Variants in ERBIN observed in about 807,000 individuals in gnomAD.
ERBIN encodes densin-180-like protein.
ERBIN carries 60 observed loss-of-function variants against 158.4 expected under a neutral mutation model. That is an observed-to-expected ratio of 0.38 (90% CI 0.31 to 0.47). The LOEUF is 0.47. ERBIN is among the 20% of genes least tolerant of loss of function. The pLI, the probability that ERBIN is intolerant of heterozygous loss-of-function variation, is 0.99. For synonymous variants in ERBIN, 594 were observed against 557.2 expected (o/e 1.07, Z -0.93); for missense variants, 1,610 against 1,648.0 (o/e 0.98, Z 0.40).
intron 12 of ERBIN, 58 bp downstream of exon 12, chr5:66,026,035 C>T: frequency 7.2e-7 from 1 of 1,389,718 alleles, no homozygotes; most frequent in Middle Eastern, 1.9e-4. Flanking sequence ...TGATTATCTT[C>T]ATTATAGCTA....
chr5:66,006,415 T>C (rs1021039411), intron 4 of ERBIN, among the ~76,000 whole-genome samples: 6 of 152,286 alleles, frequency 3.9e-5, no homozygotes, highest in African/African-American at 9.6e-5. Context: ...AAGACTTACA[T>C]GTTAGACCTA....
chr5:66,011,945 A>T, intron 4 of ERBIN, 104 bp from the exon 5 acceptor site: 1 of 595,244 alleles, frequency 1.7e-6, no homozygotes, highest in Non-Finnish European at 2.9e-6. Context: ...GTTCCTTGTT[A>T]ATTGGTATAT....
chr5:65,977,012 G>A (rs542320468), intron 1 of ERBIN, among the ~76,000 whole-genome samples: 9 of 152,154 alleles, frequency 5.9e-5, no homozygotes, highest in Non-Finnish European at 8.8e-5. Flanking sequence ...ATCATGGCCC[G>A]TTCTCAATGA....
rs1451826149 is a variant in ERBIN, at chr5:66,054,096, A to G, written c.2778A>G (p.Val926=). ...TGTTGTATGATCAACCATTGCAGGT[A>G]TTTACTGGTTCTTCCTCATCTTCTG... ...ATLLYDQPLQ[V]FTGSSSSSDL... The change falls in exon 21 of 26, where the codon GTA becomes GTG. Residue 926 remains valine, a synonymous_variant. Coordinates refer to ENST00000284037, the MANE Select transcript of ERBIN (RefSeq NM_001253697.2). 1.2e-6 allele frequency: 2 copies of G among 1,614,178 alleles called. No individual in the cohort carries two copies. Among genetic ancestry groups the G allele is most frequent in the Non-Finnish European group, 8.5e-7 (1 of 1,180,030 alleles).
Position 66,078,693 on chromosome 5 carries a change from A to C in ERBIN, c.*163A>C. 1.6e-6 allele frequency: 1 copy of C among 613,512 alleles called. No individual in the cohort carries two copies. Among genetic ancestry groups the C allele is most frequent in the Non-Finnish European group, 2.9e-6 (1 of 346,868 alleles). The allele number at this position is 613,512 out of a possible 1,614,324, so 38.0% of individuals were successfully genotyped here. On this transcript the variant is annotated 3_prime_UTR_variant, in exon 26 of 26. Transcript: ENST00000284037. ...ATGGAACTTGTGGTTAGAGGGAAAG[A>C]ACCACTGTACAGAATATAAAGGAGA...
rs370149402 is a variant in ERBIN at position 65,957,886 on chromosome 5, C to T, written c.-57-30749C>T. Reference sequence around the variant, plus strand: ...GGGGCGGCTGCCGGGCGGAGGCACTCCTCACTTCTCAGCCGGGGCGGCTGC... The same window carrying T: ...GGGGCGGCTGCCGGGCGGAGGCACTTCTCACTTCTCAGCCGGGGCGGCTGC... On this transcript the variant is annotated intron_variant, in intron 1 of 25. Coordinates refer to ENST00000284037, the MANE Select transcript of ERBIN (RefSeq NM_001253697.2). Among the ~76,000 whole-genome samples the T allele has an allele frequency of 3.3e-5, 5 of 151,574 alleles. No homozygotes were observed. The East Asian group carries it at 5.9e-4, about 18-fold the overall frequency.
At chr5:65,973,786 G>C (rs1195063941) in intron 1 of ERBIN, among the ~76,000 whole-genome samples, 1 of 151,274 alleles carries the variant, frequency 6.6e-6, no homozygotes, top group Non-Finnish European at 1.5e-5. Context: ...AAGGCAAATT[G>C]GGAATAGATT....
chr5:65,946,787 C>CT (rs918837936), intron 1 of ERBIN, among the ~76,000 whole-genome samples: 9,566 of 134,428 alleles, frequency 0.071, 795 homozygotes, highest in African/African-American at 0.21. Context: ...TTGGTTGTTA[C>CT]TTTTTTTTTT....
At chr5:66,002,714 G>C (rs1445806108) in intron 4 of ERBIN, among the ~76,000 whole-genome samples, 1 of 152,162 alleles carries the variant, frequency 6.6e-6, no homozygotes, top group East Asian at 1.9e-4. Context: ...CTGATGACTG[G>C]GGACAAACTA....
At chr5:65,962,987 T>G (rs940293709) in intron 1 of ERBIN, among the ~76,000 whole-genome samples, 1 of 152,182 alleles carries the variant, frequency 6.6e-6, no homozygotes, top group African/African-American at 2.4e-5. Context: ...TTCCAGATGA[T>G]CTGTCTTGAG....
In ERBIN at chr5:66,018,464, T is replaced by C. The variant is rs1755074036; in HGVS notation, c.534-2858T>C. ...ATAATATAATATATATTATATTATA[T>C]AATATATATTATATATTATATATTA... is the stretch of plus-strand genomic sequence containing the variant. On this transcript the variant is annotated intron_variant, in intron 7 of 25. Coordinates refer to ENST00000284037, the MANE Select transcript of ERBIN (RefSeq NM_001253697.2). Among the ~76,000 whole-genome samples the C allele has an allele frequency of 5.4e-4, 4 of 7,462 alleles. 1 individual carries two copies. Among genetic ancestry groups the C allele is most frequent in the Non-Finnish European group, 1.0e-3 (4 of 3,838 alleles). 4.9% of individuals were successfully genotyped at this position (7,462 alleles called of 152,430 possible).
At position 66,004,832 on chromosome 5, in the gene ERBIN, A is replaced by G. The variant is rs182660639; in HGVS notation, c.308-7217A>G. On this transcript the variant is annotated intron_variant, in intron 4 of 25. Coordinates refer to ENST00000284037, the MANE Select transcript of ERBIN (RefSeq NM_001253697.2). ...CTAAGGTAAGGATGTACCAGAAGCT[A>G]TTTTGTAAGGTGTGAGCGTCTATAG... Among the ~76,000 whole-genome samples, 330 of 152,262 alleles carry G rather than the reference A, an allele frequency of 2.2e-3. 2 individuals are homozygous for G. The highest frequency in any genetic ancestry group is 7.7e-3 in the African/African-American group (321 of 41,554).
chr5:65,946,321 A>G (rs1175384654), intron 1 of ERBIN, among the ~76,000 whole-genome samples: 1 of 152,162 alleles, frequency 6.6e-6, no homozygotes, highest in Non-Finnish European at 1.5e-5. Context: ...CTGAGATTAC[A>G]CCACTGCACT....
In ERBIN at chr5:66,054,135, A is replaced by C; in HGVS notation, c.2817A>C (p.Gly939=). ...CCTCATCTTCTGATTTAATATCAGG[A>C]ACAAAGGCAATTTTCAAGTTTGATT... ...GSSSSSDLIS[G]TKAIFKFDSN... is the part of the protein sequence containing the mutation. Residue 939 remains glycine (G), a synonymous_variant, in exon 21 of 26, where the codon GGA becomes GGC. Coordinates refer to ENST00000284037, the MANE Select transcript of ERBIN (RefSeq NM_001253697.2). The C allele has an allele frequency of 1.2e-6, 2 of 1,614,162 alleles. No individual in the cohort carries two copies. Among genetic ancestry groups the C allele is most frequent in the South Asian group, 2.2e-5 (2 of 91,084 alleles).
At chr5:65,956,516 C>T (rs1747154397) in intron 1 of ERBIN, among the ~76,000 whole-genome samples, 1 of 151,070 alleles carries the variant, frequency 6.6e-6, no homozygotes, top group Non-Finnish European at 1.5e-5. Flanking sequence ...CAGACACTCG[C>T]CACCACACAC....
intron 14 of ERBIN, among the ~76,000 whole-genome samples, chr5:66,030,496 C>T (rs1210178389): frequency 1.3e-5 from 2 of 151,152 alleles, no homozygotes; most frequent in Non-Finnish European, 2.9e-5. Context: ...ACTAACTTCA[C>T]AATGAATGAG....
intron 4 of ERBIN, among the ~76,000 whole-genome samples, chr5:66,011,192 G>A (rs912763195): frequency 5.3e-5 from 8 of 152,122 alleles, no homozygotes; most frequent in Non-Finnish European, 8.8e-5. Context: ...GTTGAGAAAA[G>A]GGGAATATAA....
At chr5:66,028,802 G>C (rs1432627615) in intron 14 of ERBIN, among the ~76,000 whole-genome samples, 1 of 152,002 alleles carries the variant, frequency 6.6e-6, no homozygotes, top group Non-Finnish European at 1.5e-5. Context: ...CCATGTTCCA[G>C]CCCACCCCGC....
In ERBIN at chr5:66,029,200, C is replaced by T. The variant is rs564411472; in HGVS notation, c.1206+857C>T. On this transcript the variant is annotated intron_variant, in intron 14 of 25. Coordinates refer to ENST00000284037, the MANE Select transcript of ERBIN (RefSeq NM_001253697.2). ...GAGATTGCTGGATTATATGATAGTT[C>T]CATTTTAAATATTTTGAGGAACCTC... 2.8e-3 allele frequency among the ~76,000 whole-genome samples: 424 copies of T among 152,118 alleles called. 1 individual carries two copies. The highest frequency in any genetic ancestry group is 4.7e-3 in the Admixed American group (72 of 15,278).
Sources: gnomAD v4.1 joint callset for allele counts (sites outside exome capture counted in the v4.1 genomes callset) on GRCh38, gnomAD v4.1.1 for gene constraint, MANE v1.5 for transcripts, NCBI Gene and HGNC (gene_info 2026-07-23, HGNC 2026-07-21) for gene names.